The following LMX1B variants were observed in gnomAD, a reference collection of about 807,000 sequenced individuals.
LMX1B encodes the protein LIM homeobox transcription factor 1-beta.
A neutral mutation model predicts 51.4 loss-of-function variants in LMX1B; 12 were observed. That is an observed-to-expected ratio of 0.23 (90% confidence interval 0.15 to 0.38). LMX1B has a LOEUF of 0.38. Ranked by LOEUF, LMX1B falls within the 10% of genes least tolerant of loss-of-function variation. LMX1B has a pLI of 1.00. For synonymous variants in LMX1B, 237 were observed against 235.4 expected (o/e 1.01, Z -0.06); for missense variants, 445 against 571.1 (o/e 0.78, Z 2.25).
chr9:126,644,155 G>A (rs1835857800), intron 2 of LMX1B, among the ~76,000 whole-genome samples: 1 of 152,162 alleles, frequency 6.6e-6, no homozygotes, highest in Non-Finnish European at 1.5e-5. Context: ...TGGTCTCTCC[G>A]GGTCCTCGGT....
rs2030290601 is a variant in LMX1B, at chr9:126,695,420, C to T, written c.887-419C>T. ...CCGCCCCTCAGCCTGGCTTGCCTCC[C>T]CTGCTCTGGCCTGTTGAGCCCCTGC... On this transcript the variant is annotated intron_variant, in intron 6 of 7. Coordinates refer to ENST00000373474, the MANE Select transcript of LMX1B (RefSeq NM_001174147.2). The surrounding 1 kb of genome is among the most constrained non-coding windows in gnomAD (Gnocchi z 5.2). Among the ~76,000 whole-genome samples, 1 of 152,226 alleles carries T rather than the reference C, an allele frequency of 6.6e-6. No homozygotes were observed. Among genetic ancestry groups the T allele is most frequent in the Admixed American group, 6.5e-5 (1 of 15,292 alleles).
At chr9:126,623,774 C>A (rs1390634505) in intron 2 of LMX1B, among the ~76,000 whole-genome samples, 2 of 152,224 alleles carry the variant, frequency 1.3e-5, no homozygotes, top group African/African-American at 4.8e-5. Context: ...CGGATTGCCC[C>A]CTGTAGGGCC....
At chr9:126,616,685 G>A (rs77740450) in intron 2 of LMX1B, among the ~76,000 whole-genome samples, 7,513 of 152,324 alleles carry the variant, frequency 0.049, 652 homozygotes, top group East Asian at 0.41. Flanking sequence ...GGAAAAGCTG[G>A]GCTGCCGGCG....
rs1016192981 is a variant in LMX1B, at chr9:126,626,381, G to C, written c.326+10812G>C. Among the ~76,000 whole-genome samples, 2 of 152,208 alleles carry C rather than the reference G, an allele frequency of 1.3e-5. No homozygotes were observed. The highest frequency in any genetic ancestry group is 1.9e-4 in the East Asian group (1 of 5,174). On this transcript the variant is annotated intron_variant, in intron 2 of 7. Coordinates refer to ENST00000373474, the MANE Select transcript of LMX1B (RefSeq NM_001174147.2). This position sits in a 1 kb window ranked among gnomAD's most constrained non-coding sequence, Gnocchi z 4.3. ...TTCCATCTCTGACAGCATAGGGACC[G>C]GGAGCTCCGATGGAGGAAACCCTTT...
Position 126,614,528 on chromosome 9 carries a change from G to A in LMX1B, c.79G>A (p.Gly27Ser), listed in dbSNP as rs1055119894. The A allele has an allele frequency of 3.7e-6, 6 of 1,606,690 alleles. No homozygotes were observed. The highest frequency in any genetic ancestry group is 5.1e-6 in the Non-Finnish European group (6 of 1,177,402). Residue 27 changes from glycine (G) to serine (S), a missense_variant, in exon 1 of 8, where the codon GGC becomes AGC. By Grantham distance (56) the Gly-to-Ser change is moderately conservative (BLOSUM62 0). This residue lies in a region of LMX1B where 273 missense variants were observed against 343.3 expected (regional missense o/e 0.80). Coordinates refer to ENST00000373474, the MANE Select transcript of LMX1B (RefSeq NM_001174147.2). ...GQTDCAKMLDGIKMEEHALRP... is the reference protein window; with the variant it reads ...GQTDCAKMLDSIKMEEHALRP... ...GACGGACTGCGCCAAGATGTTGGAC[G>A]GCATCAAGATGGAGGAGCACGCCCT...
chr9:126,663,477 T>A (rs1836284702), intron 2 of LMX1B, among the ~76,000 whole-genome samples: 1 of 151,954 alleles, frequency 6.6e-6, no homozygotes, highest in Admixed American at 6.6e-5. Context: ...GGACTTGGGT[T>A]CAAATCCCAG....
chr9:126,684,313 C>CG (rs1836733679), intron 2 of LMX1B, among the ~76,000 whole-genome samples: 1 of 152,074 alleles, frequency 6.6e-6, no homozygotes, highest in African/African-American at 2.4e-5. Flanking sequence ...AGTGCAATTA[C>CG]GGGGCTTCAG....
Position 126,680,104 on chromosome 9 carries a change from G to A in LMX1B, c.327-10732G>A, listed in dbSNP as rs13291919. Among the ~76,000 whole-genome samples the A allele has an allele frequency of 5.2e-3, 793 of 152,282 alleles. 4 individuals carry two copies. The highest frequency in any genetic ancestry group is 8.5e-3 in the Non-Finnish European group (580 of 68,026). ...CCGGGGTTTCTCACCTTCCACGTGC[G>A]TTGTCAGCCCTCTGGACTGTGGGCG... is the stretch of plus-strand genomic sequence containing the variant. On this transcript the variant is annotated intron_variant, in intron 2 of 7. Coordinates refer to ENST00000373474, the MANE Select transcript of LMX1B (RefSeq NM_001174147.2).
chr9:126,653,189 G>T (rs924189975), intron 2 of LMX1B, among the ~76,000 whole-genome samples: 61 of 118,996 alleles, frequency 5.1e-4, no homozygotes, highest in Middle Eastern at 0.017. Context: ...GTCTCACTTG[G>T]TCACCCGGGC....
Position 126,677,259 on chromosome 9 carries a change from A to T in LMX1B, c.327-13577A>T, listed in dbSNP as rs1836580939. 6.6e-6 allele frequency among the ~76,000 whole-genome samples: 1 copy of T among 152,200 alleles called. No homozygotes were observed. The highest frequency in any genetic ancestry group is 2.1e-4 in the South Asian group (1 of 4,824). On this transcript the variant is annotated intron_variant, in intron 2 of 7. Coordinates refer to ENST00000373474, the MANE Select transcript of LMX1B (RefSeq NM_001174147.2). The surrounding 1 kb of genome is among the most constrained non-coding windows in gnomAD (Gnocchi z 5.0). ...AAATGAGTGGCACCCACACTTTCAT[A>T]TACCTCCTTTTAATTCCTGCTCCTG...
chr9:126,665,938 A>G (rs1836335322), intron 2 of LMX1B, among the ~76,000 whole-genome samples: 1 of 152,254 alleles, frequency 6.6e-6, no homozygotes, highest in Non-Finnish European at 1.5e-5. Context: ...AGCAGGCAGC[A>G]TGTGCGGAGA....
rs964621429 is a variant in LMX1B, at chr9:126,671,671, G to A, written c.327-19165G>A. ...GCGCACCCCGGGATGAGAGGTCAGC[G>A]GGCCTGCCCTGTGCCGAGCGGTGGA... On this transcript the variant is annotated intron_variant, in intron 2 of 7. Coordinates refer to ENST00000373474, the MANE Select transcript of LMX1B (RefSeq NM_001174147.2). This position sits in a 1 kb window ranked among gnomAD's most constrained non-coding sequence, Gnocchi z 4.4. Among the ~76,000 whole-genome samples, 3 of 152,308 alleles carry A rather than the reference G, an allele frequency of 2.0e-5. No individual in the cohort carries two copies. The highest frequency in any genetic ancestry group is 2.1e-4 in the South Asian group (1 of 4,830).
At position 126,693,730 on chromosome 9, in the gene LMX1B, T is replaced by G; in HGVS notation, c.820-16T>G. On this transcript the variant is annotated splice_polypyrimidine_tract_variant and intron_variant, in intron 5 of 7. Transcript: ENST00000373474. ...GGCGAGGGGCAGCACCGGCCTGAAC[T>G]GCGCTCTCCCTGCAGATGAAGAAGC... is the stretch of plus-strand genomic sequence containing the variant. The G allele has an allele frequency of 1.3e-6, 2 of 1,565,406 alleles. No individual in the cohort carries two copies. The highest frequency in any genetic ancestry group is 1.7e-6 in the Non-Finnish European group (2 of 1,156,146).
At chr9:126,657,535 G>A (rs983058941) in intron 2 of LMX1B, among the ~76,000 whole-genome samples, 3 of 152,296 alleles carry the variant, frequency 2.0e-5, no homozygotes, top group African/African-American at 7.2e-5. Flanking sequence ...CTGGGGTTGG[G>A]GGGAGAAGAT....
intron 2 of LMX1B, among the ~76,000 whole-genome samples, chr9:126,675,984 G>T (rs1384824319): frequency 6.7e-6 from 1 of 148,968 alleles, no homozygotes; most frequent in Non-Finnish European, 1.5e-5. Flanking sequence ...GGGAGGCGGA[G>T]CTTGCAGTGA....
At position 126,695,499 on chromosome 9, in the gene LMX1B, G is replaced by A. The variant is rs921381525; in HGVS notation, c.887-340G>A. 6.6e-6 allele frequency among the ~76,000 whole-genome samples: 1 copy of A among 152,208 alleles called. No individual in the cohort carries two copies. The highest frequency in any genetic ancestry group is 1.5e-5 in the Non-Finnish European group (1 of 68,044). On this transcript the variant is annotated intron_variant, in intron 6 of 7. Coordinates refer to ENST00000373474, the MANE Select transcript of LMX1B (RefSeq NM_001174147.2). The surrounding 1 kb of genome is among the most constrained non-coding windows in gnomAD (Gnocchi z 5.2). Reference sequence around the variant, plus strand: ...GCCCTTTCCTCCAGGAAGTCTTCCCGGGGCCTTTTTGGCCTGGGTCTGGGA... The same window carrying A: ...GCCCTTTCCTCCAGGAAGTCTTCCCAGGGCCTTTTTGGCCTGGGTCTGGGA...
chr9:126,636,473 A>C (rs942128133), intron 2 of LMX1B, among the ~76,000 whole-genome samples: 1 of 151,820 alleles, frequency 6.6e-6, no homozygotes, highest in Admixed American at 6.6e-5. Context: ...TCTGGCCTTT[A>C]CTCCAGGGCC....
rs757006856 is a variant in LMX1B, at chr9:126,695,795, G to A, written c.887-44G>A. The A allele has an allele frequency of 6.2e-7, 1 of 1,606,312 alleles. No homozygotes were observed. The highest frequency in any genetic ancestry group is 1.3e-5 in the African/African-American group (1 of 74,818). ...GGAGGCTGCTGGGGTGTAGCTGGGA[G>A]GGCGTGGACCAGGCCAGGGGGTGAA... On this transcript the variant is annotated intron_variant, in intron 6 of 7. Transcript: ENST00000373474. This position sits in a 1 kb window ranked among gnomAD's most constrained non-coding sequence, Gnocchi z 5.2.
At chr9:126,666,165 C>T (rs547903823) in intron 2 of LMX1B, among the ~76,000 whole-genome samples, 1 of 152,224 alleles carries the variant, frequency 6.6e-6, no homozygotes, top group Non-Finnish European at 1.5e-5. Context: ...CGGGTCTGAA[C>T]GCAGCTCTGG....
Sources: gnomAD v4.1 joint callset for allele counts (sites outside exome capture counted in the v4.1 genomes callset) on GRCh38, gnomAD v4.1.1 for gene constraint, gnomAD v4.1.1 regional missense constraint, Gnocchi (gnomAD v3.1) non-coding constraint, MANE v1.5 for transcripts, NCBI Gene and HGNC (gene_info 2026-07-23, HGNC 2026-07-21) for gene names.